Variants in ZAN observed in about 807,000 individuals in gnomAD.
ZAN encodes zonadhesin (gene/pseudogene).
In ZAN, 260 loss-of-function variants were observed where a neutral mutation model predicts 286.2. That is an observed-to-expected ratio of 0.91 (90% CI 0.82 to 1.01). The LOEUF is 1.01. Ranked by LOEUF, ZAN falls within the 50% of genes least tolerant of loss-of-function variation. The pLI, the probability that ZAN is intolerant of heterozygous loss-of-function variation, is 0.00. For synonymous variants in ZAN, 1,368 were observed against 1,417.5 expected, an observed-to-expected ratio of 0.97 and a Z score of 0.79; for missense variants, 3,410 against 3,639.2, an observed-to-expected ratio of 0.94 and a Z score of 1.62.
rs1489138403 is a variant in ZAN at position 100,746,685 on chromosome 7, T to C, written c.914T>C (p.Ile305Thr). ...CAGTCTCCTGGTGCAGCCCTCCACA[T>C]TTATGCTTCAGTCTTGGGTTAGAGC... ...RGQSPGAALH[I>T]YASVLGSIRK... The change falls in exon 8 of 48, where the codon ATT becomes ACT. Residue 305 changes from isoleucine (I) to threonine (T), a missense_variant. By Grantham distance (89) the Ile-to-Thr change is moderately conservative. Transcript: ENST00000613979. 2 of 1,613,910 alleles carry C rather than the reference T, an allele frequency of 1.2e-6. No homozygotes were observed. The highest frequency in any genetic ancestry group is 1.1e-5 in the South Asian group (1 of 91,076).
At position 100,790,454 on chromosome 7, in the gene ZAN, C is replaced by T. The variant is rs193238093; in HGVS notation, c.7358-488C>T. 1.5e-4 allele frequency among the ~76,000 whole-genome samples: 22 copies of T among 150,326 alleles called. No individual in the cohort carries two copies. The East Asian group carries it at 3.4e-3, about 23-fold the overall frequency. ...GCGGGCACCTATAGTCCCAGCTACT[C>T]GTGAGGCTGAGGCAGGAGAATGGAG... On this transcript the variant is annotated intron_variant, in intron 39 of 47. Transcript: ENST00000613979.
intron 28 of ZAN, among the ~76,000 whole-genome samples, chr7:100,770,503 C>CAGA (rs1554405946): frequency 1.1e-5 from 1 of 93,698 alleles, no homozygotes; most frequent in Non-Finnish European, 2.0e-5. Flanking sequence ...GACTCTGTCT[C>CAGA]AAAAAAAAAA....
Position 100,763,945 on chromosome 7 carries a change from A to T in ZAN, c.4097+29A>T. On this transcript the variant is annotated intron_variant, in intron 21 of 47. Coordinates refer to ENST00000613979, the MANE Select transcript of ZAN (RefSeq NM_003386.3). This position sits in a 1 kb window ranked among gnomAD's most constrained non-coding sequence, Gnocchi z 4.6. ...TGAAGGAGGGCAGGCAGGGTCGCACAGGGGCGATGCTTGGCACCTGGGCTC... is the reference window on the plus strand; with the variant it reads ...TGAAGGAGGGCAGGCAGGGTCGCACTGGGGCGATGCTTGGCACCTGGGCTC... 1 of 1,601,784 alleles carries T rather than the reference A, an allele frequency of 6.2e-7. No homozygotes were observed. Among genetic ancestry groups the T allele is most frequent in the East Asian group, 2.3e-5 (1 of 44,256 alleles).
At position 100,773,347 on chromosome 7, in the gene ZAN, A is replaced by C; in HGVS notation, c.5488A>C (p.Ser1830Arg). Reference sequence around the variant, plus strand: ...CAGCAGCCCCTGCCCAGACACCTGCAGCAGCATAAACAACCCGAGGGACTG... The same window carrying C: ...CAGCAGCCCCTGCCCAGACACCTGCCGCAGCATAAACAACCCGAGGGACTG... ...PCSSPCPDTC[S>R]SINNPRDCPK... Residue 1830 changes from serine to arginine, a missense_variant, in exon 30 of 48, where the codon AGC (serine) becomes CGC (arginine). Physicochemically the swap from Ser to Arg is moderately radical, Grantham distance 110 (BLOSUM62 -1). Around this residue, in one of 7 missense-constraint regions of ZAN, gnomAD observed 1,289 missense variants for 1,314.3 expected, o/e 0.98. Coordinates refer to ENST00000613979, the MANE Select transcript of ZAN (RefSeq NM_003386.3). The C allele has an allele frequency of 1.2e-6, 2 of 1,613,974 alleles. No homozygotes were observed. Among genetic ancestry groups the C allele is most frequent in the Non-Finnish European group, 1.7e-6 (2 of 1,179,890 alleles).
In ZAN at chr7:100,737,412, A is replaced by G. The variant is rs1049875350; in HGVS notation, c.613+63A>G. The G allele has an allele frequency of 1.3e-5, 16 of 1,194,894 alleles. 2 individuals are homozygous for G. Among genetic ancestry groups the G allele is most frequent in the Admixed American group, 8.1e-5 (3 of 36,968 alleles). The allele number at this position is 1,194,894 out of a possible 1,614,324, so 74.0% of individuals were successfully genotyped here. On this transcript the variant is annotated intron_variant, in intron 6 of 47. Transcript: ENST00000613979. ...CTTTTCTCTCCGTCCTTGCACAACA[A>G]GAAGAGGATCCAGGGCGGGCGCGGT...
At chr7:100,781,983 A>C (rs1811223774) in intron 35 of ZAN, among the ~76,000 whole-genome samples, 1 of 152,096 alleles carries the variant, frequency 6.6e-6, no homozygotes. Flanking sequence ...ATTATGAGTG[A>C]GATTGGACAT....
intron 22 of ZAN, among the ~76,000 whole-genome samples, chr7:100,765,146 GTC>G (rs1207069364): frequency 6.6e-6 from 1 of 152,158 alleles, no homozygotes; most frequent in African/African-American, 2.4e-5. Context: ...GTCTATCTAA[GTC>G]TCTCAGGGCC....
At chr7:100,790,899 A>G in intron 39 of ZAN, 43 bp from the exon 40 acceptor site, 3 of 1,438,766 alleles carry the variant, frequency 2.1e-6, no homozygotes, top group South Asian at 2.8e-5. Flanking sequence ...AAAAAAAAAA[A>G]GAGTGAGGAG....
intron 23 of ZAN, among the ~76,000 whole-genome samples, chr7:100,766,130 G>A (rs185531177): frequency 3.9e-4 from 60 of 152,256 alleles, no homozygotes; most frequent in African/African-American, 1.4e-3. Context: ...GGGATTACAG[G>A]CGTGCACTAC....
In ZAN at chr7:100,769,945, A is replaced by G. The variant is rs1317912421; in HGVS notation, c.5219A>G (p.Lys1740Arg). The G allele has an allele frequency of 3.8e-6, 6 of 1,567,398 alleles. No individual in the cohort carries two copies. In the East Asian group the frequency reaches 9.4e-5, roughly 25 times the overall value. Residue 1740 changes from lysine (K) to arginine (R), a missense_variant, in exon 28 of 48, where the codon AAG (lysine) becomes AGG (arginine). By Grantham distance (26) the Lys-to-Arg change is conservative. Transcript: ENST00000613979. ...QENSMADAWN[K>R]NCAILINPQG... ...AACAGCATGGCAGACGCCTGGAACA[A>G]GAACTGTGCGATCTTAATAAACCCT...
At chr7:100,765,987 G>T (rs1393726016) in intron 23 of ZAN, among the ~76,000 whole-genome samples, 1 of 147,886 alleles carries the variant, frequency 6.8e-6, no homozygotes, top group African/African-American at 2.5e-5. Context: ...TGTTGTTTTT[G>T]GTTTTTGTTT....
At chr7:100,783,803 C>CATATATATAT (rs1410440738) in intron 35 of ZAN, among the ~76,000 whole-genome samples, 8 of 52,482 alleles carry the variant, frequency 1.5e-4, no homozygotes, top group South Asian at 6.5e-4. Context: ...TATATATACA[C>CATATATATAT]ACATATATAT....
At chr7:100,789,911 C>A (rs969319933) in intron 39 of ZAN, among the ~76,000 whole-genome samples, 23 of 151,960 alleles carry the variant, frequency 1.5e-4, no homozygotes, top group African/African-American at 5.6e-4. Context: ...TGCCACTGCA[C>A]TCCAGCCTGG....
In ZAN at chr7:100,763,819, CA is replaced by C. The variant is rs1474036872; in HGVS notation, c.4001del (p.Gln1334ArgfsTer3). ...QDEDQECQKY[Q>X]VVNSPSCDSS... is the part of the protein sequence containing the mutation. ...GGTCTCTTGCAGGTGTCAGAAGTAC[CA>C]GGTGGTGAATTCCCCGTCTTGTGAT... is the stretch of plus-strand genomic sequence containing the variant. On this transcript the variant is annotated frameshift_variant, in exon 21 of 48. Transcript: ENST00000613979. LOFTEE classifies it high-confidence loss of function. This position sits in a 1 kb window ranked among gnomAD's most constrained non-coding sequence, Gnocchi z 4.6. 1.2e-6 allele frequency: 2 copies of C among 1,614,000 alleles called. No individual in the cohort carries two copies. The highest frequency in any genetic ancestry group is 1.7e-6 in the Non-Finnish European group (2 of 1,179,890).
intron 37 of ZAN, among the ~76,000 whole-genome samples, chr7:100,787,621 G>A (rs987254722): frequency 2.0e-5 from 3 of 151,992 alleles, no homozygotes; most frequent in Admixed American, 2.0e-4. Flanking sequence ...GTGCAGTGGC[G>A]CGATCTCGGC....
rs1812164336 is a variant in ZAN, at chr7:100,793,888, C to T, written c.7856C>T (p.Pro2619Leu). 1 of 1,613,814 alleles carries T rather than the reference C, an allele frequency of 6.2e-7. No homozygotes were observed. The change falls in exon 43 of 48, where the codon CCT becomes CTT. Residue 2619 changes from proline (P) to leucine (L), a missense_variant. Pro to Leu is a moderately conservative substitution (Grantham distance 98). Around this residue, in one of 7 missense-constraint regions of ZAN, gnomAD observed 1,289 missense variants for 1,314.3 expected, o/e 0.98. Coordinates refer to ENST00000613979, the MANE Select transcript of ZAN (RefSeq NM_003386.3). ...YDTLPSILCQ[P>L]GRPRGLRGPL... is the part of the protein sequence containing the mutation. ...ACCCTGCCCAGCATCCTGTGCCAAC[C>T]TGGCAGACCCCGGGGACTGCGAGGG...
At position 100,783,471 on chromosome 7, in the gene ZAN, T is replaced by C. The variant is rs571947335; in HGVS notation, c.6623-1152T>C. 8.0e-4 allele frequency among the ~76,000 whole-genome samples: 119 copies of C among 149,158 alleles called. 1 individual carries two copies. The South Asian group carries it at 0.024, about 30-fold the overall frequency. On this transcript the variant is annotated intron_variant, in intron 35 of 47. Transcript: ENST00000613979. ...TTTGGTGGCTGGGTGTGGTGGCTCA[T>C]GCCTGTAATCCTAGCACTTTGGGAG...
rs776094869 is a variant in ZAN at position 100,773,506 on chromosome 7, C to A, written c.5634+13C>A. The stretch of plus-strand genomic sequence containing the variant: ...CTCCTACCACCCGGTGAGAGGCCAG[C>A]TAGGAGGGGCCCCGCCCTTTCCAGG... On this transcript the variant is annotated intron_variant, in intron 30 of 47. Coordinates refer to ENST00000613979, the MANE Select transcript of ZAN (RefSeq NM_003386.3). 1.9e-6 allele frequency: 3 copies of A among 1,612,082 alleles called. No homozygotes were observed. The highest frequency in any genetic ancestry group is 2.5e-6 in the Non-Finnish European group (3 of 1,179,266).
intron 29 of ZAN, among the ~76,000 whole-genome samples, chr7:100,772,283 T>A (rs1810427383): frequency 6.7e-6 from 1 of 148,770 alleles, no homozygotes; most frequent in Non-Finnish European, 1.5e-5. Flanking sequence ...AATACAAAAC[T>A]TGGCCAGGTG....
Sources: allele counts gnomAD v4.1 joint callset (sites outside exome capture counted in the v4.1 genomes callset), GRCh38; gene constraint gnomAD v4.1.1; regional missense constraint gnomAD v4.1.1; non-coding constraint Gnocchi (gnomAD v3.1); transcripts MANE v1.5; gene names NCBI Gene and HGNC (gene_info 2026-07-23, HGNC 2026-07-21).